DNPEP: variants seen among roughly 807,000 people sequenced by gnomAD.
DNPEP encodes the protein aspartyl aminopeptidase.
Under a neutral mutation model 59.1 loss-of-function variants are expected in DNPEP, and 46 were observed. The ratio of observed to expected loss-of-function variants is 0.78; its 90% CI spans 0.61 to 0.99. The LOEUF is 0.99. Ranked by LOEUF, DNPEP falls within the 50% of genes least tolerant of loss-of-function variation. DNPEP has a pLI of 0.00. For synonymous variants in DNPEP, 229 were observed against 242.2 expected (o/e 0.95, Z 0.50); for missense variants, 617 against 649.9 (o/e 0.95, Z 0.55).
chr2:219,375,622 C>T (rs904053061), intron 13 of DNPEP, among the ~76,000 whole-genome samples: 8 of 152,042 alleles, frequency 5.3e-5, no homozygotes, highest in Admixed American at 1.3e-4. Flanking sequence ...AGTGCAGTGG[C>T]GCAATCTCAG....
chr2:219,381,490 C>T (rs1023828915), intron 12 of DNPEP, 54 bp from the exon 13 acceptor site: 47 of 1,613,690 alleles, frequency 2.9e-5, no homozygotes, highest in Non-Finnish European at 3.5e-5. Context: ...GGGAATGAGT[C>T]GGCGCTCGGA....
chr2:219,377,951 A>C (rs1953438752), intron 13 of DNPEP, among the ~76,000 whole-genome samples: 1 of 146,128 alleles, frequency 6.8e-6, no homozygotes, highest in South Asian at 2.1e-4. Context: ...AAAAAAAAAA[A>C]CCAAACTCAA....
intron 8 of DNPEP, chr2:219,384,652 T>C: frequency 2.3e-6 from 1 of 438,830 alleles, no homozygotes; most frequent in African/African-American, 2.0e-5. Context: ...CACTGCAACT[T>C]CCGCCTCCCG....
intron 1 of DNPEP, among the ~76,000 whole-genome samples, chr2:219,398,624 T>C (rs1380558667): frequency 3.3e-5 from 5 of 151,766 alleles, no homozygotes; most frequent in Non-Finnish European, 7.4e-5. Context: ...CACTCCAGCC[T>C]GGGCGACAGA....
In DNPEP at chr2:219,374,080, C is replaced by T; in HGVS notation, c.*212G>A. The stretch of plus-strand genomic sequence containing the variant: ...GATTTAAAACCAGATTTAAAACCAT[C>T]AGCTCCCAGGAGTGTGGCCTCCTCC... On this transcript the variant is annotated 3_prime_UTR_variant, in exon 15 of 15. Transcript: ENST00000273075. The T allele has an allele frequency of 1.9e-6, 1 of 540,014 alleles. No individual in the cohort carries two copies. Among genetic ancestry groups the T allele is most frequent in the Middle Eastern group, 4.8e-4 (1 of 2,078 alleles). The allele number at this position is 540,014 out of a possible 1,614,324, so 33.5% of individuals were successfully genotyped here. A position where few individuals can be genotyped will look rare whatever the true frequency, so the allele number is the denominator to read the frequency against.
chr2:219,381,268 G>A, intron 13 of DNPEP, 67 bp downstream of exon 13: 1 of 1,392,614 alleles, frequency 7.2e-7, no homozygotes. Flanking sequence ...GTTCATGGGG[G>A]GCCCATCTGT....
chr2:219,390,674 C>CA (rs1365285769), upstream of DNPEP, among the ~76,000 whole-genome samples: 1 of 151,990 alleles, frequency 6.6e-6, no homozygotes, highest in Non-Finnish European at 1.5e-5. Context: ...GCTAAAAATA[C>CA]AAAAAATTAG....
intron 13 of DNPEP, among the ~76,000 whole-genome samples, chr2:219,378,199 C>T (rs1309123507): frequency 1.3e-5 from 2 of 152,222 alleles, no homozygotes; most frequent in Admixed American, 1.3e-4. Context: ...TGTCTTCTCA[C>T]TGCCTTAGAA....
rs1953217296 is a variant in DNPEP at position 219,372,363 on chromosome 2, A to T, written c.*1929T>A. On this transcript the variant is annotated 3_prime_UTR_variant, in exon 15 of 15. Transcript: ENST00000273075. The stretch of plus-strand genomic sequence containing the variant: ...CGTGCATATTTATATACACATAAAA[A>T]TATATAATAATTTTTTTTTTGAGAC... 6.6e-6 allele frequency among the ~76,000 whole-genome samples: 1 copy of T among 151,996 alleles called. No individual in the cohort carries two copies. Among genetic ancestry groups the T allele is most frequent in the Non-Finnish European group, 1.5e-5 (1 of 68,004 alleles).
chr2:219,385,363 G>C (rs755336576), intron 8 of DNPEP, 61 bp downstream of exon 8: 1 of 1,181,626 alleles, frequency 8.5e-7, no homozygotes, highest in South Asian at 1.3e-5. Flanking sequence ...AGCAGGACGG[G>C]CTAGGGGTGG....
At position 219,386,063 on chromosome 2, in the gene DNPEP, C is replaced by T. The variant is rs1310569680; in HGVS notation, c.495G>A (p.Val165=). The T allele has an allele frequency of 3.1e-6, 5 of 1,614,176 alleles. No individual in the cohort carries two copies. The highest frequency in any genetic ancestry group is 4.2e-6 in the Non-Finnish European group (5 of 1,180,026). The change falls in exon 6 of 15, where the codon GTG becomes GTA. Residue 165 remains valine, a synonymous_variant. Transcript: ENST00000273075. ...PTSGRLEQQL[V]HVERPILRIP... ...TGCGAAGAATGGGCCGCTCCACGTG[C>T]ACCAGCTGCTGCTCCAGCCGACCTG...
chr2:219,398,800 C>T (rs1954139200), intron 1 of DNPEP, among the ~76,000 whole-genome samples: 1 of 152,206 alleles, frequency 6.6e-6, no homozygotes, highest in Non-Finnish European at 1.5e-5. Flanking sequence ...CTCCTACCAC[C>T]CAAGGGTAAT....
At chr2:219,389,627 C>G (rs993732293), upstream of DNPEP, among the ~76,000 whole-genome samples, 1 of 151,658 alleles carries the variant, frequency 6.6e-6, no homozygotes, top group Non-Finnish European at 1.5e-5. Context: ...GTCAGGAGTT[C>G]GTGACCAGTC....
At chr2:219,386,594 C>T in intron 4 of DNPEP, 71 bp downstream of exon 4, 2 of 1,487,568 alleles carry the variant, frequency 1.3e-6, no homozygotes, top group Middle Eastern at 1.9e-4. Flanking sequence ...CAGTTTGTAC[C>T]TCCTAGTTCT....
intron 10 of DNPEP, 45 bp from the exon 11 acceptor site, chr2:219,382,184 C>T (rs1334973767): frequency 6.3e-7 from 1 of 1,583,004 alleles, no homozygotes; most frequent in Non-Finnish European, 8.6e-7. Context: ...GGCTTAGGGG[C>T]CTGATCTTGG....
In DNPEP at chr2:219,373,074, C is replaced by CTT. The variant is rs1043331196; in HGVS notation, c.*1216_*1217dup. The stretch of plus-strand genomic sequence containing the variant: ...AAGCAGGCTTTGACTTTTTCTTTTT[C>CTT]TTTTTTTTTTTTTGAGAGAGTTTCA... On this transcript the variant is annotated 3_prime_UTR_variant, in exon 15 of 15. Coordinates refer to ENST00000273075, the MANE Select transcript of DNPEP (RefSeq NM_012100.4). 2.8e-5 allele frequency among the ~76,000 whole-genome samples: 4 copies of CTT among 142,510 alleles called. No homozygotes were observed. Among genetic ancestry groups the CTT allele is most frequent in the African/African-American group, 7.7e-5 (3 of 39,196 alleles). The allele number at this position is 142,510 out of a possible 152,430, so 93.5% of individuals were successfully genotyped here. A position where few individuals can be genotyped will look rare whatever the true frequency, so the allele number is the denominator to read the frequency against.
intron 10 of DNPEP, among the ~76,000 whole-genome samples, chr2:219,382,870 G>A (rs746063713): frequency 6.6e-5 from 10 of 152,212 alleles, no homozygotes; most frequent in Non-Finnish European, 1.2e-4. Flanking sequence ...CTGGGGCTAC[G>A]AGGATGGGCT....
chr2:219,388,398 T>C (rs1574995633), upstream of DNPEP: 1 of 67,938 alleles, frequency 1.5e-5, no homozygotes, highest in African/African-American at 5.9e-5. Flanking sequence ...GCCAGGCTGC[T>C]CCACCCGCCC....
At chr2:219,397,442 T>C (rs920335835) in intron 1 of DNPEP, among the ~76,000 whole-genome samples, 2 of 152,184 alleles carry the variant, frequency 1.3e-5, no homozygotes, top group Non-Finnish European at 2.9e-5. Flanking sequence ...CTTGGCTCAC[T>C]GCAACTTCAG....
Sources: gnomAD v4.1 joint callset for allele counts (sites outside exome capture counted in the v4.1 genomes callset) on GRCh38, gnomAD v4.1.1 for gene constraint, MANE v1.5 for transcripts, NCBI Gene and HGNC (gene_info 2026-07-23, HGNC 2026-07-21) for gene names.